The following SLC38A6 variants were observed in gnomAD, a reference collection of about 807,000 sequenced individuals.
The protein encoded by SLC38A6 is solute carrier family 38 member 6.
Under a neutral mutation model 65.0 loss-of-function variants are expected in SLC38A6, and 73 were observed. The ratio of observed to expected loss-of-function variants is 1.12; its 90% CI spans 0.93 to 1.37. The LOEUF is 1.37. SLC38A6 is among the 40% of genes most tolerant of loss of function. The probability of loss-of-function intolerance (pLI) is 0.00; values close to 1 mark genes in which losing one functional copy is unlikely to be tolerated. For synonymous variants in SLC38A6, 183 were observed against 178.8 expected (o/e 1.02, Z -0.19); for missense variants, 561 against 531.1 (o/e 1.06, Z -0.55).
At chr14:61,011,891 G>C (rs1484695869) in intron 3 of SLC38A6, among the ~76,000 whole-genome samples, 2 of 152,276 alleles carry the variant, frequency 1.3e-5, no homozygotes, top group Non-Finnish European at 2.9e-5. Flanking sequence ...GATAATGCTG[G>C]CCTCATACAA....
intron 3 of SLC38A6, among the ~76,000 whole-genome samples, chr14:61,005,362 T>A (rs76983469): frequency 0.24 from 9,207 of 38,242 alleles, 2,016 homozygotes; most frequent in African/African-American, 0.34. Flanking sequence ...AAATAAAGGA[T>A]ATTCAATTAG....
chr14:61,026,328 A>G (rs907489829), intron 5 of SLC38A6, among the ~76,000 whole-genome samples: 1 of 152,156 alleles, frequency 6.6e-6, no homozygotes, highest in Admixed American at 6.5e-5. Flanking sequence ...CTTCAGAACT[A>G]CAATCACAGC....
intron 3 of SLC38A6, chr14:60,986,930 T>G (rs548596781): frequency 9.6e-6 from 2 of 207,916 alleles, no homozygotes; most frequent in East Asian, 1.7e-4. Flanking sequence ...TTTTACTCCT[T>G]CGGTTCACAT....
At chr14:61,007,320 T>TGATAA (rs1555347995) in intron 3 of SLC38A6, among the ~76,000 whole-genome samples, 72 of 150,016 alleles carry the variant, frequency 4.8e-4, no homozygotes, top group Admixed American at 1.5e-3. Context: ...ACTTTAATAA[T>TGATAA]AATAAAATAA....
At chr14:61,038,684 A>G (rs1013600418) in intron 8 of SLC38A6, among the ~76,000 whole-genome samples, 2 of 152,202 alleles carry the variant, frequency 1.3e-5, no homozygotes, top group African/African-American at 4.8e-5. Context: ...CAGGGATAAA[A>G]TAACTTTAAA....
chr14:61,033,112 T>G (rs1016502097), intron 6 of SLC38A6, among the ~76,000 whole-genome samples: 15 of 152,080 alleles, frequency 9.9e-5, no homozygotes, highest in Admixed American at 2.6e-4. Flanking sequence ...CTGTTAACAT[T>G]TAATGATCTT....
In SLC38A6 at chr14:61,029,279, C is replaced by G. The variant is rs536111178; in HGVS notation, c.404-1166C>G. Among the ~76,000 whole-genome samples the G allele has an allele frequency of 8.9e-4, 135 of 151,880 alleles. 1 individual carries two copies. The highest frequency in any genetic ancestry group is 4.0e-4 in the Non-Finnish European group (27 of 67,968). Reference sequence around the variant, plus strand: ...CAAGCGATTCTCCTGCCTCAGCCTCCCAGGTTAGCTGGTATTGCAGGCAAC... The same window carrying G: ...CAAGCGATTCTCCTGCCTCAGCCTCGCAGGTTAGCTGGTATTGCAGGCAAC... On this transcript the variant is annotated intron_variant, in intron 5 of 15. Coordinates refer to ENST00000267488, the MANE Select transcript of SLC38A6 (RefSeq NM_153811.3).
chr14:61,044,465 A>G (rs576403533), intron 10 of SLC38A6, among the ~76,000 whole-genome samples: 10 of 152,270 alleles, frequency 6.6e-5, no homozygotes, highest in Non-Finnish European at 1.3e-4. Context: ...TTAAACTCTC[A>G]TTTTCCTAGT....
At chr14:61,007,930 T>A (rs1055485396) in intron 3 of SLC38A6, among the ~76,000 whole-genome samples, 2 of 152,162 alleles carry the variant, frequency 1.3e-5, no homozygotes, top group Non-Finnish European at 2.9e-5. Context: ...TACTAATTTT[T>A]GTGATAGCTT....
intron 12 of SLC38A6, 28 bp from the exon 13 acceptor site, chr14:61,050,481 TATA>T: frequency 7.0e-7 from 1 of 1,428,406 alleles, no homozygotes; most frequent in African/African-American, 1.4e-5. Flanking sequence ...CTTAGTACTT[TATA>T]ATGTGATCCT....
intron 3 of SLC38A6, among the ~76,000 whole-genome samples, chr14:61,013,526 T>C (rs1304971177): frequency 6.6e-6 from 1 of 152,214 alleles, no homozygotes; most frequent in Admixed American, 6.5e-5. Context: ...CTGGTACTGG[T>C]TGTTCCTTTC....
chr14:61,016,820 G>T (rs568233127), intron 4 of SLC38A6, among the ~76,000 whole-genome samples: 1 of 152,096 alleles, frequency 6.6e-6, no homozygotes, highest in Non-Finnish European at 1.5e-5. Context: ...TGGACAACAT[G>T]TCATTTTGAA....
intron 3 of SLC38A6, among the ~76,000 whole-genome samples, chr14:61,013,243 C>T (rs933628060): frequency 8.5e-5 from 13 of 152,202 alleles, no homozygotes; most frequent in East Asian, 1.9e-4. Flanking sequence ...CTTGGTAGAT[C>T]TTCCTCCATC....
At chr14:60,998,874 G>A (rs1168530276) in intron 3 of SLC38A6, among the ~76,000 whole-genome samples, 1 of 152,204 alleles carries the variant, frequency 6.6e-6, no homozygotes. Flanking sequence ...TGCCCTTCGT[G>A]GGGGATCAGG....
chr14:61,066,856 A>G (rs558963076), intron 15 of SLC38A6, among the ~76,000 whole-genome samples: 120 of 152,292 alleles, frequency 7.9e-4, no homozygotes, highest in Middle Eastern at 3.4e-3. Flanking sequence ...TATTTTATCT[A>G]GTGTTCATCA....
Position 61,052,581 on chromosome 14 carries a change from A to C in SLC38A6, c.*152A>C. 8.9e-7 allele frequency: 1 copy of C among 1,117,640 alleles called. No homozygotes were observed. The highest frequency in any genetic ancestry group is 1.2e-6 in the Non-Finnish European group (1 of 852,650). 69.2% of individuals were successfully genotyped at this position (1,117,640 alleles called of 1,614,324 possible). On this transcript the variant is annotated 3_prime_UTR_variant, in exon 16 of 16. Transcript: ENST00000267488. Reference sequence around the variant, plus strand: ...ATGGCAGTGGGTATGGGGAAGTAAGAGTGTGGCAGTTTTAATCAAAAAAAG... The same window carrying C: ...ATGGCAGTGGGTATGGGGAAGTAAGCGTGTGGCAGTTTTAATCAAAAAAAG...
chr14:61,039,473 C>T (rs1190410684), intron 8 of SLC38A6, among the ~76,000 whole-genome samples: 1 of 151,482 alleles, frequency 6.6e-6, no homozygotes, highest in African/African-American at 2.4e-5. Flanking sequence ...TGGGTTCAAG[C>T]AATTCTCCTG....
chr14:61,043,187 T>G lies in SLC38A6; in HGVS notation c.665T>G (p.Leu222Ter), dbSNP rs1311249015. 1.3e-6 allele frequency: 2 copies of G among 1,543,534 alleles called. No homozygotes were observed. The highest frequency in any genetic ancestry group is 1.8e-6 in the Non-Finnish European group (2 of 1,130,416). The change falls in exon 9 of 16, where the codon TTA becomes TGA. Residue 222 changes from leucine to a stop codon, truncating the protein, a stop_gained. Coordinates refer to ENST00000267488, the MANE Select transcript of SLC38A6 (RefSeq NM_153811.3). LOFTEE classifies it high-confidence loss of function. ...TGGTCCATCCCTTGTCCTCTGACATTAAATTATGTAGAGAAAGGTTTCCAG... is the reference window on the plus strand; with the variant it reads ...TGGTCCATCCCTTGTCCTCTGACATGAAATTATGTAGAGAAAGGTTTCCAG... ...KKWSIPCPLT[L>*]NYVEKGFQIS...
At position 61,037,054 on chromosome 14, in the gene SLC38A6, A is replaced by G; in HGVS notation, c.483-5A>G. On this transcript the variant is annotated splice_polypyrimidine_tract_variant and splice_region_variant and intron_variant, in intron 6 of 15. Coordinates refer to ENST00000267488, the MANE Select transcript of SLC38A6 (RefSeq NM_153811.3). ...ATGCCTAAAGTAGAACTTTTTTTATAATAGATATTGGTATCTTGATGGACA... is the reference window on the plus strand; with the variant it reads ...ATGCCTAAAGTAGAACTTTTTTTATGATAGATATTGGTATCTTGATGGACA... 1.2e-6 allele frequency: 2 copies of G among 1,603,016 alleles called. No individual in the cohort carries two copies. The highest frequency in any genetic ancestry group is 1.7e-6 in the Non-Finnish European group (2 of 1,173,576).
Sources: gnomAD v4.1 joint callset for allele counts (sites outside exome capture counted in the v4.1 genomes callset) on GRCh38, gnomAD v4.1.1 for gene constraint, MANE v1.5 for transcripts, NCBI Gene and HGNC (gene_info 2026-07-23, HGNC 2026-07-21) for gene names.